The following EPHA3 variants were observed in gnomAD, a reference collection of about 807,000 sequenced individuals.
EPHA3 encodes the protein EPH receptor A3, also known as ephrin type-A receptor 3.
Under a neutral mutation model 107.1 loss-of-function variants are expected in EPHA3, and 42 were observed. The ratio of observed to expected loss-of-function variants is 0.39; its 90% CI spans 0.31 to 0.51. EPHA3 has a LOEUF of 0.51. Among genes scored for constraint, EPHA3 ranks in the 20% least tolerant of loss-of-function variants. The pLI is 0.78. For missense variants in EPHA3, 1,183 were observed against 1,211.2 expected (o/e 0.98, Z 0.35); for synonymous variants, 461 against 424.8 (o/e 1.09, Z -1.05).
intron 16 of EPHA3, 136 bp downstream of exon 16, chr3:89,472,755 G>A (rs1576396590): frequency 1.0e-6 from 1 of 984,168 alleles, no homozygotes; most frequent in East Asian, 2.6e-5. Flanking sequence ...CTACCGCCTG[G>A]AACTGCTAAT....
chr3:89,416,474 T>C (rs1293055597), intron 10 of EPHA3, among the ~76,000 whole-genome samples: 1 of 151,430 alleles, frequency 6.6e-6, no homozygotes. Context: ...AATCTTTTTC[T>C]ATTTTTAGCA....
intron 3 of EPHA3, among the ~76,000 whole-genome samples, chr3:89,279,698 A>T (rs1459231355): frequency 1.3e-5 from 2 of 152,114 alleles, no homozygotes; most frequent in Admixed American, 6.6e-5. Flanking sequence ...GTGCAATTCT[A>T]AAGTAAAGGT....
chr3:89,257,159 C>T (rs1277155553), intron 3 of EPHA3, among the ~76,000 whole-genome samples: 2 of 152,142 alleles, frequency 1.3e-5, no homozygotes, highest in Non-Finnish European at 2.9e-5. Context: ...TCTCTTATTG[C>T]ACCTCCTTCC....
chr3:89,454,595 G>A lies in EPHA3; in HGVS notation c.2690+4225G>A, dbSNP rs1445589914. ...AAACATTTTTTTTGCACAGCCTCCA[G>A]AATCTTCTTATCAAAACATATATGA... On this transcript the variant is annotated intron_variant, in intron 15 of 16. Coordinates refer to ENST00000336596, the MANE Select transcript of EPHA3 (RefSeq NM_005233.6). Among the ~76,000 whole-genome samples, 3 of 152,090 alleles carry A rather than the reference G, an allele frequency of 2.0e-5. No individual in the cohort carries two copies. The South Asian group carries it at 6.2e-4, about 32-fold the overall frequency.
chr3:89,198,048 G>C (rs949781496), intron 2 of EPHA3, among the ~76,000 whole-genome samples: 1 of 152,144 alleles, frequency 6.6e-6, no homozygotes, highest in Non-Finnish European at 1.5e-5. Context: ...ATTATATTTA[G>C]TGAATTTCAA....
intron 3 of EPHA3, among the ~76,000 whole-genome samples, chr3:89,240,625 C>A (rs1159010934): frequency 1.3e-5 from 2 of 151,372 alleles, no homozygotes; most frequent in Admixed American, 6.6e-5. Flanking sequence ...CAGATAGTAC[C>A]CATTCATTTA....
At chr3:89,235,372 G>A (rs894809215) in intron 3 of EPHA3, among the ~76,000 whole-genome samples, 1 of 152,158 alleles carries the variant, frequency 6.6e-6, no homozygotes, top group African/African-American at 2.4e-5. Context: ...ATCTAGAGAT[G>A]TGAGCCTAAG....
At chr3:89,450,705 G>A (rs1413658286) in intron 15 of EPHA3, among the ~76,000 whole-genome samples, 1 of 152,040 alleles carries the variant, frequency 6.6e-6, no homozygotes, top group Non-Finnish European at 1.5e-5. Flanking sequence ...TCAGGAGTTC[G>A]AGACCAGCCT....
chr3:89,123,209 A>G (rs1343130298), intron 1 of EPHA3, among the ~76,000 whole-genome samples: 1 of 152,144 alleles, frequency 6.6e-6, no homozygotes, highest in Non-Finnish European at 1.5e-5. Flanking sequence ...CGGTGGCGCA[A>G]TCTCGGCTCA....
intron 1 of EPHA3, among the ~76,000 whole-genome samples, chr3:89,124,938 T>A (rs1365715506): frequency 2.6e-5 from 4 of 151,916 alleles, no homozygotes; most frequent in Non-Finnish European, 5.9e-5. Context: ...CTCCTTTGAG[T>A]AGAAACCAAA....
At chr3:89,258,797 G>T (rs942023634) in intron 3 of EPHA3, among the ~76,000 whole-genome samples, 2 of 152,112 alleles carry the variant, frequency 1.3e-5, no homozygotes, top group African/African-American at 4.8e-5. Flanking sequence ...CCAATGACAG[G>T]TGGTTGATAG....
chr3:89,285,328 G>A (rs1706054414), intron 3 of EPHA3, among the ~76,000 whole-genome samples: 1 of 151,838 alleles, frequency 6.6e-6, no homozygotes, highest in African/African-American at 2.4e-5. Flanking sequence ...GTAAATATTG[G>A]GAAAACACTT....
At chr3:89,428,058 T>A (rs1190444653) in intron 11 of EPHA3, among the ~76,000 whole-genome samples, 1 of 152,054 alleles carries the variant, frequency 6.6e-6, no homozygotes, top group Admixed American at 6.6e-5. Context: ...TTTAAAATCA[T>A]CCATAGCTTT....
chr3:89,374,082 C>A (rs1476389034), intron 5 of EPHA3, among the ~76,000 whole-genome samples: 1 of 151,844 alleles, frequency 6.6e-6, no homozygotes, highest in Non-Finnish European at 1.5e-5. Context: ...TCCACACACA[C>A]ACATACTCAG....
At position 89,148,769 on chromosome 3, in the gene EPHA3, T is replaced by C. The variant is rs532173799; in HGVS notation, c.153+21496T>C. Among the ~76,000 whole-genome samples the C allele has an allele frequency of 2.6e-5, 4 of 152,138 alleles. No homozygotes were observed. The South Asian group carries it at 8.3e-4, about 31-fold the overall frequency. ...TCATGTCACTTATAGAAACAACTGG[T>C]GAATGCATCTGAATTATTTTCAATT... On this transcript the variant is annotated intron_variant, in intron 2 of 16. Transcript: ENST00000336596.
chr3:89,172,369 A>G (rs1233990216), intron 2 of EPHA3, among the ~76,000 whole-genome samples: 1 of 152,050 alleles, frequency 6.6e-6, no homozygotes, highest in African/African-American at 2.4e-5. Flanking sequence ...GGGATGGGGG[A>G]AAGACCAGCC....
intron 5 of EPHA3, among the ~76,000 whole-genome samples, chr3:89,373,341 AC>A (rs1708343420): frequency 6.6e-6 from 1 of 151,818 alleles, no homozygotes; most frequent in Non-Finnish European, 1.5e-5. Flanking sequence ...CAAGATAACA[AC>A]CTTTTAAATG....
intron 3 of EPHA3, among the ~76,000 whole-genome samples, chr3:89,238,777 A>T: frequency 6.6e-6 from 1 of 152,182 alleles, no homozygotes; most frequent in East Asian, 1.9e-4. Context: ...CATAACTTTA[A>T]ATGCCAAATA....
intron 2 of EPHA3, among the ~76,000 whole-genome samples, chr3:89,187,533 C>CT (rs1384582016): frequency 5.3e-5 from 8 of 151,592 alleles, no homozygotes; most frequent in African/African-American, 1.9e-4. Context: ...AGTAAAGTGA[C>CT]TTGCACTGTT....
Sources: allele counts gnomAD v4.1 joint callset (sites outside exome capture counted in the v4.1 genomes callset), GRCh38; gene constraint gnomAD v4.1.1; transcripts MANE v1.5; gene names NCBI Gene and HGNC (gene_info 2026-07-23, HGNC 2026-07-21).